The following NAT1 variants were observed in gnomAD, a reference collection of about 807,000 sequenced individuals.
NAT1 encodes the protein N-acetyltransferase 1.
For synonymous variants in NAT1, 144 were observed against 122.6 expected, an observed-to-expected ratio of 1.17 and a Z score of -1.16; for missense variants, 400 against 339.2, an observed-to-expected ratio of 1.18 and a Z score of -1.41.
chr8:18,178,658 C>A (rs1305207436), intron 2 of NAT1, among the ~76,000 whole-genome samples: 3 of 152,088 alleles, frequency 2.0e-5, no homozygotes, highest in Admixed American at 6.6e-5. Context: ...AATAGAATTG[C>A]AAGGCTTTCA....
intron 2 of NAT1, among the ~76,000 whole-genome samples, chr8:18,177,762 G>A (rs988109398): frequency 6.6e-6 from 1 of 152,102 alleles, no homozygotes; most frequent in Non-Finnish European, 1.5e-5. Context: ...TTCAGTTTTA[G>A]ATTACGCAGG....
chr8:18,179,677 G>A (rs879314018), intron 2 of NAT1, among the ~76,000 whole-genome samples: 12 of 152,076 alleles, frequency 7.9e-5, no homozygotes, highest in African/African-American at 7.2e-5. Flanking sequence ...TTTCAGAGGC[G>A]TGGGAGACAG....
At chr8:18,206,602 G>T (rs1173678339), upstream of NAT1, among the ~76,000 whole-genome samples, 1 of 152,106 alleles carries the variant, frequency 6.6e-6, no homozygotes. Context: ...TGTGTTGGCC[G>T]CATAAATATC....
rs542128945 is a variant in NAT1, at chr8:18,177,598, T to G, written n.92+6859T>G. ...ATGGGTTAGTGTTTTTACCTCATTTTAGAAATGAGGATATATGTGTTAATG... is the reference window on the plus strand; with the variant it reads ...ATGGGTTAGTGTTTTTACCTCATTTGAGAAATGAGGATATATGTGTTAATG... On this transcript the variant is annotated intron_variant and non_coding_transcript_variant, in intron 2 of 4. Transcript: ENST00000517441. Among the ~76,000 whole-genome samples, 21 of 152,274 alleles carry G rather than the reference T, an allele frequency of 1.4e-4. No individual in the cohort carries two copies. In the East Asian group the frequency reaches 4.1e-3, roughly 29 times the overall value.
At chr8:18,181,610 ATAAAAGTGG>A (rs945620621) in intron 2 of NAT1, among the ~76,000 whole-genome samples, 2 of 152,156 alleles carry the variant, frequency 1.3e-5, no homozygotes, top group Non-Finnish European at 1.5e-5. Flanking sequence ...ATTAATATGT[ATAAAAGTGG>A]TAAAAGTGGT....
chr8:18,204,184 T>G (rs1259698903), intron 2 of NAT1, among the ~76,000 whole-genome samples: 1 of 152,072 alleles, frequency 6.6e-6, no homozygotes, highest in Non-Finnish European at 1.5e-5. Context: ...TCTCTCTCTC[T>G]CGCAAAGAGC....
chr8:18,190,850 T>C (rs1374179598), intron 2 of NAT1, among the ~76,000 whole-genome samples: 1 of 152,174 alleles, frequency 6.6e-6, no homozygotes, highest in African/African-American at 2.4e-5. Flanking sequence ...GTGGATAACC[T>C]GAGATCAGGA....
At chr8:18,194,732 A>G (rs949806485) in intron 2 of NAT1, among the ~76,000 whole-genome samples, 1 of 152,026 alleles carries the variant, frequency 6.6e-6, no homozygotes, top group Non-Finnish European at 1.5e-5. Flanking sequence ...AGGCAGGAGA[A>G]TCGCTTGAAC....
intron 2 of NAT1, among the ~76,000 whole-genome samples, chr8:18,202,722 C>T (rs1199996491): frequency 1.3e-5 from 2 of 152,060 alleles, no homozygotes; most frequent in East Asian, 3.9e-4. Context: ...AGCGGCAGAC[C>T]CTGGCGGTGA....
intron 2 of NAT1, among the ~76,000 whole-genome samples, chr8:18,173,829 T>C (rs893600286): frequency 6.6e-6 from 1 of 152,206 alleles, no homozygotes; most frequent in African/African-American, 2.4e-5. Flanking sequence ...CATCAGAGAA[T>C]AGCCTTGAAA....
chr8:18,210,632 CA>C (rs1313397408), intron 1 of NAT1, among the ~76,000 whole-genome samples: 1 of 152,150 alleles, frequency 6.6e-6, no homozygotes, highest in Admixed American at 6.5e-5. Flanking sequence ...GTGTGTGTCC[CA>C]AAGGACCCAG....
At chr8:18,217,871 G>C (rs1234723193) in intron 1 of NAT1, among the ~76,000 whole-genome samples, 1 of 152,160 alleles carries the variant, frequency 6.6e-6, no homozygotes, top group Non-Finnish European at 1.5e-5. Context: ...CCCCTTTTTA[G>C]ATAGTCTTGT....
chr8:18,221,426 C>T (rs990882647), intron 2 of NAT1, among the ~76,000 whole-genome samples: 2 of 151,644 alleles, frequency 1.3e-5, no homozygotes, highest in African/African-American at 4.8e-5. Context: ...TAACAGATTG[C>T]ATGTTTTATC....
intron 1 of NAT1, among the ~76,000 whole-genome samples, chr8:18,211,032 T>C (rs1168248377): frequency 6.6e-6 from 1 of 152,234 alleles, no homozygotes; most frequent in Non-Finnish European, 1.5e-5. Context: ...CTCGAACTCC[T>C]GACCTCAAGT....
intron 2 of NAT1, among the ~76,000 whole-genome samples, chr8:18,200,034 G>A (rs910790864): frequency 2.6e-5 from 4 of 152,186 alleles, no homozygotes; most frequent in African/African-American, 7.2e-5. Flanking sequence ...TGAGGTTGTG[G>A]AGAAAAGGTA....
intron 2 of NAT1, among the ~76,000 whole-genome samples, chr8:18,197,040 C>T (rs1589080323): frequency 6.6e-6 from 1 of 152,192 alleles, no homozygotes; most frequent in South Asian, 2.1e-4. Flanking sequence ...AAAACCACGG[C>T]GGAAGGCAAA....
At position 18,213,818 on chromosome 8, in the gene NAT1, C is replaced by CT. The variant is rs768875808; in HGVS notation, c.-86+3653dup. On this transcript the variant is annotated intron_variant, in intron 1 of 2. Transcript: ENST00000307719. ...AGATCAAATTTTTAACGTCATATTT[C>CT]TTTTTTTTTTTTTTTGAGATGGAGT... Among the ~76,000 whole-genome samples the CT allele has an allele frequency of 8.5e-3, 1,215 of 142,846 alleles. 8 individuals are homozygous for CT. Among genetic ancestry groups the CT allele is most frequent in the Middle Eastern group, 0.011 (3 of 262 alleles). The allele number at this position is 142,846 out of a possible 152,430, so 93.7% of individuals were successfully genotyped here.
intron 2 of NAT1, among the ~76,000 whole-genome samples, chr8:18,196,246 A>G (rs1803228844): frequency 6.6e-6 from 1 of 152,074 alleles, no homozygotes; most frequent in Non-Finnish European, 1.5e-5. Flanking sequence ...CACCACACCC[A>G]GCCAACTTTT....
At chr8:18,208,395 C>T (rs1170402893), upstream of NAT1, among the ~76,000 whole-genome samples, 8 of 152,054 alleles carry the variant, frequency 5.3e-5, no homozygotes, top group Non-Finnish European at 7.4e-5. Flanking sequence ...ACTCAAAACA[C>T]GTCATAAAAA....
Sources: allele counts gnomAD v4.1 joint callset (sites outside exome capture counted in the v4.1 genomes callset), GRCh38; gene constraint gnomAD v4.1.1; transcripts MANE v1.5; gene names NCBI Gene and HGNC (gene_info 2026-07-23, HGNC 2026-07-21).